EPS15: variants seen among roughly 807,000 people sequenced by gnomAD.
EPS15 encodes the protein epidermal growth factor receptor substrate 15.
A neutral mutation model predicts 113.8 loss-of-function variants in EPS15; 72 were observed. The observed-to-expected ratio is 0.63, with a 90% CI of 0.52 to 0.77. The LOEUF is 0.77. EPS15 is among the 30% of genes least tolerant of loss of function. The pLI, the probability that EPS15 is intolerant of heterozygous loss-of-function variation, is 0.00. For synonymous variants in EPS15, 344 were observed against 363.4 expected (o/e 0.95, Z 0.61); for missense variants, 1,048 against 1,045.8 (o/e 1.00, Z -0.03).
chr1:51,515,835 T>C (rs1040764667), intron 1 of EPS15, among the ~76,000 whole-genome samples: 3 of 152,230 alleles, frequency 2.0e-5, no homozygotes, highest in African/African-American at 4.8e-5. Context: ...GTTCAAATCG[T>C]AGATTCACCA....
At chr1:51,505,607 G>A (rs1304104241) in intron 1 of EPS15, among the ~76,000 whole-genome samples, 1 of 152,086 alleles carries the variant, frequency 6.6e-6, no homozygotes, top group African/African-American at 2.4e-5. Flanking sequence ...GCACGTATCT[G>A]TGAAGAGACT....
intron 1 of EPS15, among the ~76,000 whole-genome samples, chr1:51,491,546 G>T (rs749270158): frequency 6.6e-6 from 1 of 152,186 alleles, no homozygotes; most frequent in Non-Finnish European, 1.5e-5. Flanking sequence ...AAAACTAAGA[G>T]TAAACAGAAG....
At chr1:51,477,137 T>C (rs1280890006) in intron 2 of EPS15, among the ~76,000 whole-genome samples, 1 of 152,094 alleles carries the variant, frequency 6.6e-6, no homozygotes, top group Non-Finnish European at 1.5e-5. Flanking sequence ...TCAGAGCCTG[T>C]TATTGGTCTA....
At chr1:51,407,629 G>C (rs192648627) in intron 15 of EPS15, among the ~76,000 whole-genome samples, 1 of 152,300 alleles carries the variant, frequency 6.6e-6, no homozygotes, top group Non-Finnish European at 1.5e-5. Flanking sequence ...ATTTCCTTAA[G>C]AAAAAAGTTT....
chr1:51,409,860 A>G (rs772001859), intron 13 of EPS15, among the ~76,000 whole-genome samples, 164 bp from the exon 14 acceptor site: 3 of 152,152 alleles, frequency 2.0e-5, no homozygotes, highest in Non-Finnish European at 4.4e-5. Context: ...ACTTGAAGAC[A>G]TCTTTCCTAG....
intron 11 of EPS15, among the ~76,000 whole-genome samples, chr1:51,442,166 G>C (rs1470901630): frequency 6.6e-6 from 1 of 152,132 alleles, no homozygotes; most frequent in Non-Finnish European, 1.5e-5. Context: ...ATTTCTGAAT[G>C]TGACAATTAT....
intron 20 of EPS15, among the ~76,000 whole-genome samples, chr1:51,395,841 A>T (rs964254807): frequency 6.6e-6 from 1 of 152,146 alleles, no homozygotes; most frequent in Non-Finnish European, 1.5e-5. Flanking sequence ...TTTATATGCA[A>T]CTCTGATGCA....
At chr1:51,468,690 A>C in intron 4 of EPS15, 122 bp from the exon 5 acceptor site, 1 of 640,458 alleles carries the variant, frequency 1.6e-6, no homozygotes, top group Non-Finnish European at 2.7e-6. Flanking sequence ...CTTATGTAGC[A>C]ACAAGTAGCA....
chr1:51,475,441 AT>A, intron 2 of EPS15, among the ~76,000 whole-genome samples: 1 of 152,072 alleles, frequency 6.6e-6, no homozygotes, highest in East Asian at 1.9e-4. Flanking sequence ...GATGACAAGC[AT>A]TTTTTCACGT....
At chr1:51,434,436 G>A (rs1267469057) in intron 12 of EPS15, among the ~76,000 whole-genome samples, 1 of 152,130 alleles carries the variant, frequency 6.6e-6, no homozygotes, top group Admixed American at 6.6e-5. Flanking sequence ...AGTGAAATAA[G>A]ATAGTCATAA....
In EPS15 at chr1:51,519,220, C is replaced by A. The variant is rs1166942954; in HGVS notation, c.12G>T (p.Ala4=). Residue 4 remains alanine, a synonymous_variant, in exon 1 of 25, where the codon GCG becomes GCT. Transcript: ENST00000371733. MAA[A]AQLSLTQLSS... ...TTACCTGTGTCAGAGAGAGCTGGGC[C>A]GCCGCAGCCATGGTGTTTCCATCAT... The A allele has an allele frequency of 2.9e-6, 4 of 1,391,352 alleles. No individual in the cohort carries two copies. The highest frequency in any genetic ancestry group is 1.7e-5 in the South Asian group (1 of 59,624). The allele number at this position is 1,391,352 out of a possible 1,614,324, so 86.2% of individuals were successfully genotyped here.
Position 51,403,503 on chromosome 1 carries a change from A to T in EPS15, c.1707T>A (p.Ser569=). ...PARSSPELLP[S]GVTDENEVTT... is the part of the protein sequence containing the mutation. ...TCACCTCATTTTCATCAGTCACACCAGAAGGCAGTAGTTCAGGACTACTTC... is the reference window on the plus strand; with the variant it reads ...TCACCTCATTTTCATCAGTCACACCTGAAGGCAGTAGTTCAGGACTACTTC... The change falls in exon 17 of 25, where the codon TCT becomes TCA. Residue 569 remains serine (S), a synonymous_variant. Coordinates refer to ENST00000371733, the MANE Select transcript of EPS15 (RefSeq NM_001981.3). The T allele has an allele frequency of 6.2e-7, 1 of 1,607,760 alleles. No individual in the cohort carries two copies. The highest frequency in any genetic ancestry group is 1.1e-5 in the South Asian group (1 of 89,798).
Position 51,409,717 on chromosome 1 carries a change from T to C in EPS15, c.1114-21A>G, listed in dbSNP as rs1649518313. 1.9e-6 allele frequency: 3 copies of C among 1,551,242 alleles called. No homozygotes were observed. In the East Asian group the frequency reaches 6.7e-5, roughly 35 times the overall value. ...AGATCCTAAAATCCAAGAAAATTAA[T>C]ATATTTATTTTCTTTGCGGGCAGGG... On this transcript the variant is annotated intron_variant, in intron 13 of 24. Transcript: ENST00000371733.
intron 1 of EPS15, chr1:51,490,197 G>C: frequency 5.3e-6 from 2 of 377,700 alleles, no homozygotes; most frequent in South Asian, 3.8e-5. Flanking sequence ...ACATGACTTT[G>C]AGAGTACAAG....
chr1:51,473,223 G>A (rs1655370815), intron 2 of EPS15, among the ~76,000 whole-genome samples: 1 of 152,136 alleles, frequency 6.6e-6, no homozygotes, highest in African/African-American at 2.4e-5. Flanking sequence ...AAATTCGTGG[G>A]GTTGTAACAT....
intron 13 of EPS15, among the ~76,000 whole-genome samples, chr1:51,419,805 T>G (rs1466474917): frequency 6.6e-6 from 1 of 152,074 alleles, no homozygotes. Context: ...TACCTCAAAA[T>G]AGGTAATGAA....
In EPS15 at chr1:51,488,839, T is replaced by C. The variant is rs74949687; in HGVS notation, c.34-7525A>G. 3.7e-4 allele frequency among the ~76,000 whole-genome samples: 57 copies of C among 152,300 alleles called. No homozygotes were observed. The East Asian group carries it at 5.0e-3, about 13-fold the overall frequency. On this transcript the variant is annotated intron_variant, in intron 1 of 24. Coordinates refer to ENST00000371733, the MANE Select transcript of EPS15 (RefSeq NM_001981.3). ...TCTTGCAATTTCAGTTATTCATCAA[T>C]GGAATGATAAAAGAAATGTGTCCAA...
intron 21 of EPS15, among the ~76,000 whole-genome samples, chr1:51,377,531 T>G (rs1186787504): frequency 1.3e-5 from 2 of 152,216 alleles, no homozygotes; most frequent in Non-Finnish European, 2.9e-5. Context: ...AGTGATTTCT[T>G]GAGATAGAAT....
chr1:51,401,469 A>G (rs1648543502), intron 18 of EPS15, among the ~76,000 whole-genome samples: 2 of 152,352 alleles, frequency 1.3e-5, no homozygotes, highest in Admixed American at 1.3e-4. Context: ...CATATACAAA[A>G]ATAAACTCAA....
Sources: allele counts gnomAD v4.1 joint callset (sites outside exome capture counted in the v4.1 genomes callset), GRCh38; gene constraint gnomAD v4.1.1; transcripts MANE v1.5; gene names NCBI Gene and HGNC (gene_info 2026-07-23, HGNC 2026-07-21).